NEURL4: variants seen among roughly 807,000 people sequenced by gnomAD.
NEURL4 encodes the protein neuralized E3 ubiquitin protein ligase 4.
In NEURL4, 45 loss-of-function variants were observed where a neutral mutation model predicts 148.0. The ratio of observed to expected loss-of-function variants is 0.30; its 90% CI spans 0.24 to 0.39. The LOEUF (loss-of-function observed/expected upper bound fraction) is 0.39, where lower values mean the gene tolerates loss of function less well. Among genes scored for constraint, NEURL4 ranks in the 10% least tolerant of loss-of-function variants. NEURL4 has a pLI of 1.00. For missense variants in NEURL4, 1,776 were observed against 2,144.0 expected, an observed-to-expected ratio of 0.83 and a Z score of 3.39; for synonymous variants, 854 against 869.0, an observed-to-expected ratio of 0.98 and a Z score of 0.30.
Position 7,322,825 on chromosome 17 carries a change from C to T in NEURL4, c.2635G>A (p.Val879Met). 1 of 1,614,080 alleles carries T rather than the reference C, an allele frequency of 6.2e-7. No homozygotes were observed. Residue 879 changes from valine (V) to methionine (M), a missense_variant, in exon 16 of 29, where the codon GTG (valine) becomes ATG (methionine). Physicochemically the swap from Val to Met is conservative, Grantham distance 21. Transcript: ENST00000399464. This position sits in a 1 kb window ranked among gnomAD's most constrained non-coding sequence, Gnocchi z 5.5. ...VVDLYGQCVQ[V>M]SITNATGPMD... is the part of the protein sequence containing the mutation. ...GGGCCGGTGGCATTGGTGATGGACACTTGGACACACTGGCCATAGAGATCG... is the reference window on the plus strand; with the variant it reads ...GGGCCGGTGGCATTGGTGATGGACATTTGGACACACTGGCCATAGAGATCG...
rs770844906 is a variant in NEURL4, at chr17:7,327,409, C to T, written c.727+31G>A. Reference sequence around the variant, plus strand: ...TCTATTTCCCCCATTCCGTCCCCACCCCACCACCACTGCCCTAGCTGTGTT... The same window carrying T: ...TCTATTTCCCCCATTCCGTCCCCACTCCACCACCACTGCCCTAGCTGTGTT... On this transcript the variant is annotated intron_variant, in intron 2 of 28. Transcript: ENST00000399464. This position sits in a 1 kb window ranked among gnomAD's most constrained non-coding sequence, Gnocchi z 6.6. 6.6e-7 allele frequency: 1 copy of T among 1,520,272 alleles called. No homozygotes were observed. Among genetic ancestry groups the T allele is most frequent in the South Asian group, 1.3e-5 (1 of 78,202 alleles). 94.2% of individuals were successfully genotyped at this position (1,520,272 alleles called of 1,614,324 possible). A position where few individuals can be genotyped will look rare whatever the true frequency, so the allele number is the denominator to read the frequency against.
At position 7,324,033 on chromosome 17, in the gene NEURL4, C is replaced by G; in HGVS notation, c.2063-21G>C. On this transcript the variant is annotated intron_variant, in intron 11 of 28. Transcript: ENST00000399464. The surrounding 1 kb of genome is among the most constrained non-coding windows in gnomAD (Gnocchi z 5.9). The stretch of plus-strand genomic sequence containing the variant: ...CACCTCTGTAAAAGTGGACATCACC[C>G]ATCAGGTCTCTAGGTGTCTCTCAGA... The G allele has an allele frequency of 6.2e-7, 1 of 1,608,776 alleles. No individual in the cohort carries two copies. Among genetic ancestry groups the G allele is most frequent in the Non-Finnish European group, 8.5e-7 (1 of 1,179,960 alleles).
At chr17:7,325,786 TC>T in intron 6 of NEURL4, 73 bp from the exon 7 acceptor site, 1 of 1,235,830 alleles carries the variant, frequency 8.1e-7, no homozygotes, top group African/African-American at 1.5e-5. Context: ...CAGGAACAAC[TC>T]CAGAAGGTAT....
intron 28 of NEURL4, among the ~76,000 whole-genome samples, chr17:7,316,579 G>T (rs8072397): frequency 8.6e-4 from 131 of 152,254 alleles, no homozygotes; most frequent in African/African-American, 2.8e-3. Flanking sequence ...CCGCACTGCT[G>T]TCTCCGCCCC....
Position 7,324,840 on chromosome 17 carries a change from G to C in NEURL4, c.1772C>G (p.Ala591Gly). 1 of 1,614,196 alleles carries C rather than the reference G, an allele frequency of 6.2e-7. No individual in the cohort carries two copies. Residue 591 changes from alanine (A) to glycine (G), a missense_variant, in exon 9 of 29, where the codon GCC becomes GGC. By Grantham distance (60) the Ala-to-Gly change is moderately conservative. Coordinates refer to ENST00000399464, the MANE Select transcript of NEURL4 (RefSeq NM_032442.3). This position sits in a 1 kb window ranked among gnomAD's most constrained non-coding sequence, Gnocchi z 5.9. ...IEIGVTTHNPAYLQLPSTMTN... is the reference protein window; with the variant it reads ...IEIGVTTHNPGYLQLPSTMTN... Reference sequence around the variant, plus strand: ...CATGGTGGAGGGCAACTGGAGGTAGGCAGGGTTGTGGGTGGTGACACCAAT... The same window carrying C: ...CATGGTGGAGGGCAACTGGAGGTAGCCAGGGTTGTGGGTGGTGACACCAAT...
At position 7,318,360 on chromosome 17, in the gene NEURL4, C is replaced by G; in HGVS notation, c.3865-4G>C. The G allele has an allele frequency of 6.2e-7, 1 of 1,614,006 alleles. No individual in the cohort carries two copies. Among genetic ancestry groups the G allele is most frequent in the South Asian group, 1.1e-5 (1 of 91,086 alleles). On this transcript the variant is annotated splice_region_variant and splice_polypyrimidine_tract_variant and intron_variant, in intron 23 of 28. Transcript: ENST00000399464. The surrounding 1 kb of genome is among the most constrained non-coding windows in gnomAD (Gnocchi z 4.3). ...GCTCAGGGTTCACGATTGTCACCTGCAGGGGAGAGGGTAGTCAGACAGAGC... is the reference window on the plus strand; with the variant it reads ...GCTCAGGGTTCACGATTGTCACCTGGAGGGGAGAGGGTAGTCAGACAGAGC...
chr17:7,327,568 G>C lies in NEURL4; in HGVS notation c.599C>G (p.Thr200Ser), dbSNP rs1403387115. ...CTCAGGGGGTAGCACGGTGATCTGG[G>C]TGCACTTGCCATAAAGGTCCACGAC... ...WAVVDLYGKC[T>S]QITVLPPEPG... Residue 200 changes from threonine (T) to serine (S), a missense_variant, in exon 2 of 29, where the codon ACC becomes AGC. By Grantham distance (58) the Thr-to-Ser change is moderately conservative. Coordinates refer to ENST00000399464, the MANE Select transcript of NEURL4 (RefSeq NM_032442.3). The surrounding 1 kb of genome is among the most constrained non-coding windows in gnomAD (Gnocchi z 6.6). 1.2e-6 allele frequency: 2 copies of C among 1,611,156 alleles called. No individual in the cohort carries two copies. The highest frequency in any genetic ancestry group is 1.1e-5 in the South Asian group (1 of 91,034).
chr17:7,323,849 G>A lies in NEURL4; in HGVS notation c.2226C>T (p.Arg742=). ...GGRTALRHNC[R]SEFNDAIVIS... is the part of the protein sequence containing the mutation. Reference sequence around the variant, plus strand: ...TGACGATGGCGTCATTAAACTCGCTGCGACAGTTGTGGCGGAGGGCGGTGC... The same window carrying A: ...TGACGATGGCGTCATTAAACTCGCTACGACAGTTGTGGCGGAGGGCGGTGC... Residue 742 remains arginine, a synonymous_variant, in exon 12 of 29, where the codon CGC becomes CGT. Transcript: ENST00000399464. The A allele has an allele frequency of 6.2e-7, 1 of 1,614,138 alleles. No homozygotes were observed. The highest frequency in any genetic ancestry group is 1.3e-5 in the African/African-American group (1 of 75,068).
Position 7,325,635 on chromosome 17 carries a change from C to T in NEURL4, c.1366+6G>A, listed in dbSNP as rs2073094784. On this transcript the variant is annotated splice_donor_region_variant and intron_variant, in intron 7 of 28. Transcript: ENST00000399464. ...GGCCCAGAGGCTCTCTCTGGGCGGC[C>T]CTTACCCTGATCGATACCATTAATG... 6.2e-7 allele frequency: 1 copy of T among 1,613,332 alleles called. No individual in the cohort carries two copies. Among genetic ancestry groups the T allele is most frequent in the Non-Finnish European group, 8.5e-7 (1 of 1,179,780 alleles).
intron 21 of NEURL4, 37 bp downstream of exon 21, chr17:7,320,722 G>T (rs1161759085): frequency 4.4e-6 from 7 of 1,592,614 alleles, no homozygotes; most frequent in South Asian, 1.1e-5. Flanking sequence ...GGTCACTGTG[G>T]AGCGAGAGAA....
chr17:7,326,131 T>G lies in NEURL4; in HGVS notation c.1293+124A>C. On this transcript the variant is annotated intron_variant, in intron 6 of 28. Transcript: ENST00000399464. The surrounding 1 kb of genome is among the most constrained non-coding windows in gnomAD (Gnocchi z 6.0). ...AACTCAGGCTTCTAGGAAGGAACCT[T>G]TAGGTGGAAGATACAGGGACTGCCT... The G allele has an allele frequency of 1.1e-6, 1 of 880,252 alleles. No homozygotes were observed. The highest frequency in any genetic ancestry group is 1.8e-6 in the Non-Finnish European group (1 of 553,436). The allele number at this position is 880,252 out of a possible 1,614,324, so 54.5% of individuals were successfully genotyped here.
At position 7,316,174 on chromosome 17, in the gene NEURL4, A is replaced by C; in HGVS notation, c.4638T>G (p.Thr1546=). 1 of 1,603,084 alleles carries C rather than the reference A, an allele frequency of 6.2e-7. No individual in the cohort carries two copies. Among genetic ancestry groups the C allele is most frequent in the Non-Finnish European group, 8.5e-7 (1 of 1,169,974 alleles). ...HFSPAELEWV[T]KEKGATLLCA... is the part of the protein sequence containing the mutation. Reference sequence around the variant, plus strand: ...AGAGGAGTGTGGCCCCCTTCTCCTTAGTGACCCACTCAAGTTCGGCTGGAC... The same window carrying C: ...AGAGGAGTGTGGCCCCCTTCTCCTTCGTGACCCACTCAAGTTCGGCTGGAC... Residue 1546 remains threonine (T), a synonymous_variant, in exon 29 of 29, where the codon ACT becomes ACG. Transcript: ENST00000399464.
Position 7,323,659 on chromosome 17 carries a change from A to T in NEURL4, c.2326T>A (p.Ser776Thr). The T allele has an allele frequency of 6.2e-7, 1 of 1,613,524 alleles. No individual in the cohort carries two copies. The highest frequency in any genetic ancestry group is 8.5e-7 in the Non-Finnish European group (1 of 1,179,722). ...IQKMVDRWSG[S>T]IEAGVTAIRP... is the part of the protein sequence containing the mutation. The stretch of plus-strand genomic sequence containing the variant: ...AGACGGCCCTCACCAGCCTCAATGG[A>T]GCCTGACCAGCGGTCCACCATCTTC... Residue 776 changes from serine (S) to threonine (T), a missense_variant, in exon 13 of 29, where the codon TCC becomes ACC. By Grantham distance (58) the Ser-to-Thr change is moderately conservative. Coordinates refer to ENST00000399464, the MANE Select transcript of NEURL4 (RefSeq NM_032442.3).
In NEURL4 at chr17:7,324,318, C is replaced by A. The variant is rs367861949; in HGVS notation, c.1900-48G>T. 1.9e-6 allele frequency: 3 copies of A among 1,613,312 alleles called. No individual in the cohort carries two copies. Among genetic ancestry groups the A allele is most frequent in the South Asian group, 1.1e-5 (1 of 91,046 alleles). On this transcript the variant is annotated intron_variant, in intron 10 of 28. Transcript: ENST00000399464. The surrounding 1 kb of genome is among the most constrained non-coding windows in gnomAD (Gnocchi z 5.9). ...GTGAGGAGTCAGGCAGAGTTCCTGC[C>A]GGGGCTGGTCCTGCATCAGCCCCGC...
At chr17:7,316,524 G>A (rs2072947844) in intron 28 of NEURL4, among the ~76,000 whole-genome samples, 197 bp from the exon 29 acceptor site, 1 of 152,148 alleles carries the variant, frequency 6.6e-6, no homozygotes, top group South Asian at 2.1e-4. Flanking sequence ...CCTTCTTCAA[G>A]CCTTTGCTCG....
In NEURL4 at chr17:7,316,108, G is replaced by A. The variant is rs1256076026; in HGVS notation, c.*15C>T. 1 of 1,309,692 alleles carries A rather than the reference G, an allele frequency of 7.6e-7. No homozygotes were observed. The highest frequency in any genetic ancestry group is 2.3e-5 in the East Asian group (1 of 43,534). 81.1% of individuals were successfully genotyped at this position (1,309,692 alleles called of 1,614,324 possible). A position where few individuals can be genotyped will look rare whatever the true frequency, so the allele number is the denominator to read the frequency against. ...CCGCGGCCCGACTGTGCTTGTAGTA[G>A]TGGTGTCTCACCCCTCATTCCACCC... On this transcript the variant is annotated 3_prime_UTR_variant, in exon 29 of 29. Transcript: ENST00000399464.
At chr17:7,325,495 G>A (rs374677271) in intron 7 of NEURL4, 22 bp from the exon 8 acceptor site, 2 of 1,607,184 alleles carry the variant, frequency 1.2e-6, no homozygotes, top group Non-Finnish European at 1.7e-6. Context: ...AGGTACGGGG[G>A]TGTGGGAGTG....
In NEURL4 at chr17:7,327,062, A is replaced by G; in HGVS notation, c.794-53T>C. ...CTCGGAAGTTGGGATGAGGCTCTACACCCCCAGACCTGGTGCCTCTCTCCC... is the reference window on the plus strand; with the variant it reads ...CTCGGAAGTTGGGATGAGGCTCTACGCCCCCAGACCTGGTGCCTCTCTCCC... On this transcript the variant is annotated intron_variant, in intron 3 of 28. Transcript: ENST00000399464. This position sits in a 1 kb window ranked among gnomAD's most constrained non-coding sequence, Gnocchi z 6.6. The G allele has an allele frequency of 6.3e-7, 1 of 1,599,430 alleles. No individual in the cohort carries two copies. Among genetic ancestry groups the G allele is most frequent in the South Asian group, 1.1e-5 (1 of 90,838 alleles).
chr17:7,327,895 G>T lies in NEURL4; in HGVS notation c.283-11C>A, dbSNP rs779035658. The stretch of plus-strand genomic sequence containing the variant: ...GCTCCAGGAGTTGACCTGGGATAGG[G>T]GTATTGGACAGAGGCTTAGAATGGG... On this transcript the variant is annotated splice_polypyrimidine_tract_variant and intron_variant, in intron 1 of 28. Coordinates refer to ENST00000399464, the MANE Select transcript of NEURL4 (RefSeq NM_032442.3). This position sits in a 1 kb window ranked among gnomAD's most constrained non-coding sequence, Gnocchi z 6.6. 1.9e-6 allele frequency: 3 copies of T among 1,585,704 alleles called. No individual in the cohort carries two copies. Among genetic ancestry groups the T allele is most frequent in the African/African-American group, 2.7e-5 (2 of 74,096 alleles).
Sources: gnomAD v4.1 joint callset for allele counts (sites outside exome capture counted in the v4.1 genomes callset) on GRCh38, gnomAD v4.1.1 for gene constraint, Gnocchi (gnomAD v3.1) non-coding constraint, MANE v1.5 for transcripts, NCBI Gene and HGNC (gene_info 2026-07-23, HGNC 2026-07-21) for gene names.